LRRC69: variants seen among roughly 807,000 people sequenced by gnomAD.
LRRC69 encodes leucine rich repeat containing 69.
Under a neutral mutation model 37.8 loss-of-function variants are expected in LRRC69, and 42 were observed. The ratio of observed to expected loss-of-function variants is 1.11; its 90% CI spans 0.87 to 1.44. The LOEUF (loss-of-function observed/expected upper bound fraction) is 1.44. Ranked by LOEUF, LRRC69 falls within the 40% of genes most tolerant of loss-of-function variation. The pLI is 0.00. For missense variants in LRRC69, 357 were observed against 401.9 expected (o/e 0.89, Z 0.96); for synonymous variants, 141 against 143.1 (o/e 0.99, Z 0.11).
At chr8:91,132,544 C>A (rs547805589) in intron 3 of LRRC69, among the ~76,000 whole-genome samples, 41 of 152,030 alleles carry the variant, frequency 2.7e-4, no homozygotes, top group Non-Finnish European at 5.3e-4. Context: ...CAATTACAGA[C>A]TCAAATTTCC....
intron 5 of LRRC69, among the ~76,000 whole-genome samples, chr8:91,186,140 G>C (rs945010588): frequency 6.6e-6 from 1 of 152,124 alleles, no homozygotes; most frequent in Non-Finnish European, 1.5e-5. Context: ...TGTGTCTGGC[G>C]TTTCTGAGAA....
chr8:91,109,274 C>G (rs1439954315), intron 1 of LRRC69, among the ~76,000 whole-genome samples: 3 of 152,066 alleles, frequency 2.0e-5, no homozygotes, highest in African/African-American at 7.2e-5. Context: ...AGAAAAGACA[C>G]AGCCCTCTTC....
At chr8:91,114,258 C>CAA (rs1813467447) in intron 1 of LRRC69, among the ~76,000 whole-genome samples, 1 of 151,792 alleles carries the variant, frequency 6.6e-6, no homozygotes, top group Admixed American at 6.6e-5. Flanking sequence ...GAAGATTCCT[C>CAA]AAAAAATTAA....
intron 7 of LRRC69, among the ~76,000 whole-genome samples, chr8:91,208,522 G>A (rs562009209): frequency 1.8e-4 from 28 of 152,250 alleles, no homozygotes; most frequent in African/African-American, 6.5e-4. Context: ...AAACACAGAT[G>A]CACAATAAAC....
At chr8:91,158,256 GC>G (rs1263210359) in intron 5 of LRRC69, 1 of 1,558,520 alleles carries the variant, frequency 6.4e-7, no homozygotes, top group East Asian at 2.2e-5. Flanking sequence ...GGATTAATTG[GC>G]CCCCTGATTG....
chr8:91,147,730 G>C (rs1808647754), intron 5 of LRRC69, among the ~76,000 whole-genome samples: 2 of 151,472 alleles, frequency 1.3e-5, no homozygotes, highest in Admixed American at 6.6e-5. Flanking sequence ...TTAGGTTCTG[G>C]GGTACATGTG....
chr8:91,118,762 A>T (rs1813563754), intron 1 of LRRC69, among the ~76,000 whole-genome samples: 3 of 152,092 alleles, frequency 2.0e-5, no homozygotes, highest in African/African-American at 7.2e-5. Flanking sequence ...ATATGACTAA[A>T]GCCTTCCTTC....
intron 1 of LRRC69, among the ~76,000 whole-genome samples, chr8:91,109,658 CTTA>C (rs1813378111): frequency 6.6e-6 from 1 of 151,916 alleles, no homozygotes; most frequent in Non-Finnish European, 1.5e-5. Flanking sequence ...GAGAATCCTT[CTTA>C]TATTTCTTGA....
At chr8:91,219,214 A>G, downstream of LRRC69, 1 of 356,378 alleles carries the variant, frequency 2.8e-6, no homozygotes, top group Non-Finnish European at 5.0e-6. Flanking sequence ...GGCTTAAAAA[A>G]GTACAAAAAA....
At chr8:91,146,471 C>G (rs1483085928) in intron 5 of LRRC69, among the ~76,000 whole-genome samples, 1 of 151,762 alleles carries the variant, frequency 6.6e-6, no homozygotes, top group Non-Finnish European at 1.5e-5. Flanking sequence ...TAAAGAGAGT[C>G]TGATTGAAAT....
At chr8:91,153,337 T>C (rs914707210) in intron 5 of LRRC69, among the ~76,000 whole-genome samples, 10 of 151,292 alleles carry the variant, frequency 6.6e-5, no homozygotes, top group Non-Finnish European at 1.2e-4. Context: ...ATTCAGGACT[T>C]GAACTCAACT....
chr8:91,204,837 C>A (rs192995987), intron 7 of LRRC69, among the ~76,000 whole-genome samples: 24 of 152,334 alleles, frequency 1.6e-4, no homozygotes, highest in Non-Finnish European at 2.6e-4. Flanking sequence ...ATGAACTTCA[C>A]TATATGTGTT....
rs763836563 is a variant in LRRC69 at position 91,206,549 on chromosome 8, G to A, written c.933+5757G>A. ...ATGAGTACAGCGTGTCAGATTACTC[G>A]GAAACAGTTTTCAAAACATCCTGCT... On this transcript the variant is annotated intron_variant, in intron 7 of 7. Coordinates refer to ENST00000448384, the Ensembl canonical transcript of LRRC69. 1.4e-4 allele frequency: 77 copies of A among 537,146 alleles called. 1 individual carries two copies. Among genetic ancestry groups the A allele is most frequent in the South Asian group, 7.7e-4 (38 of 49,134 alleles). The allele number at this position is 537,146 out of a possible 1,614,324, so 33.3% of individuals were successfully genotyped here.
intron 5 of LRRC69, among the ~76,000 whole-genome samples, chr8:91,147,950 A>C (rs1808653021): frequency 6.6e-6 from 1 of 151,728 alleles, no homozygotes; most frequent in Non-Finnish European, 1.5e-5. Context: ...ATGAGTGAGA[A>C]CATGCGGTGT....
chr8:91,160,987 A>G (rs918619358), intron 5 of LRRC69, among the ~76,000 whole-genome samples: 2 of 151,158 alleles, frequency 1.3e-5, no homozygotes, highest in Non-Finnish European at 3.0e-5. Flanking sequence ...TAATTTGTTG[A>G]GAGTTTTTAT....
chr8:91,158,382 C>A lies in LRRC69; in HGVS notation c.651+22643C>A. ...TGGTATTTAGATGACAACATCAAAACAAACTCTGATCACCCCAAGAAAGTA... is the reference window on the plus strand; with the variant it reads ...TGGTATTTAGATGACAACATCAAAAAAAACTCTGATCACCCCAAGAAAGTA... On this transcript the variant is annotated intron_variant, in intron 5 of 7. Transcript: ENST00000448384. 1.4e-6 allele frequency: 2 copies of A among 1,414,156 alleles called. 1 individual carries two copies. The highest frequency in any genetic ancestry group is 2.3e-5 in the South Asian group (2 of 86,666). 87.6% of individuals were successfully genotyped at this position (1,414,156 alleles called of 1,614,324 possible). A position where few individuals can be genotyped will look rare whatever the true frequency, so the allele number is the denominator to read the frequency against.
At chr8:91,148,313 A>G (rs992341171) in intron 5 of LRRC69, among the ~76,000 whole-genome samples, 1 of 150,706 alleles carries the variant, frequency 6.6e-6, no homozygotes, top group Non-Finnish European at 1.5e-5. Context: ...ATTCCCACCT[A>G]TGAGTAAGAA....
chr8:91,153,406 A>G (rs758417614), intron 5 of LRRC69, among the ~76,000 whole-genome samples: 56 of 150,968 alleles, frequency 3.7e-4, no homozygotes, highest in Admixed American at 1.6e-3. Flanking sequence ...ACAACAGAAT[A>G]TACAGTCTTC....
At chr8:91,136,736 A>C (rs1179620873) in intron 5 of LRRC69, among the ~76,000 whole-genome samples, 1 of 151,978 alleles carries the variant, frequency 6.6e-6, no homozygotes, top group Admixed American at 6.6e-5. Context: ...CTTCATGGCA[A>C]CCACATATCT....
Sources: allele counts gnomAD v4.1 joint callset (sites outside exome capture counted in the v4.1 genomes callset), GRCh38; gene constraint gnomAD v4.1.1; transcripts MANE v1.5; gene names NCBI Gene and HGNC (gene_info 2026-07-23, HGNC 2026-07-21).